RYR2: variants seen among roughly 807,000 people sequenced by gnomAD.
RYR2 encodes ryanodine receptor 2.
A neutral mutation model predicts 601.1 loss-of-function variants in RYR2; 227 were observed. The observed-to-expected ratio is 0.38, with a 90% CI of 0.34 to 0.42. The LOEUF is 0.42. Ranked by LOEUF, RYR2 falls within the 10% of genes least tolerant of loss-of-function variation. The pLI is 1.00. For synonymous variants in RYR2, 2,223 were observed against 2,175.1 expected (o/e 1.02, Z -0.61); for missense variants, 4,646 against 6,156.5 (o/e 0.75, Z 8.21).
At chr1:237,609,728 T>C (rs967334702) in intron 35 of RYR2, among the ~76,000 whole-genome samples, 20 of 152,110 alleles carry the variant, frequency 1.3e-4, no homozygotes, top group African/African-American at 4.8e-4. Context: ...TTAAAATTGC[T>C]GCCCTTGATT....
chr1:237,608,276 G>A (rs12116442), intron 35 of RYR2, among the ~76,000 whole-genome samples: 30,838 of 152,132 alleles, frequency 0.2, 3,472 homozygotes, highest in East Asian at 0.47. Context: ...GCCAAGCGAG[G>A]ATGGAGTTTT....
chr1:237,362,008 AT>A (rs750393608), intron 4 of RYR2, among the ~76,000 whole-genome samples: 1 of 152,082 alleles, frequency 6.6e-6, no homozygotes, highest in Non-Finnish European at 1.5e-5. Context: ...TTTGTCATCC[AT>A]TTGACACCCA....
intron 62 of RYR2, 114 bp downstream of exon 62, chr1:237,680,691 G>T: frequency 1.5e-6 from 1 of 663,226 alleles, no homozygotes; most frequent in South Asian, 2.9e-5. Flanking sequence ...CCATTTCCCT[G>T]GTCCGTGTCT....
At chr1:237,569,018 G>C in intron 28 of RYR2, 127 bp from the exon 29 acceptor site, 2 of 704,056 alleles carry the variant, frequency 2.8e-6, no homozygotes, top group Non-Finnish European at 4.5e-6. Context: ...AGACCGATAT[G>C]CCAGCTGGAG....
rs755712032 is a variant in RYR2, at chr1:237,610,756, C to G, written c.4684-6C>G. On this transcript the variant is annotated splice_region_variant and splice_polypyrimidine_tract_variant and intron_variant, in intron 35 of 104. Transcript: ENST00000366574. This position sits in a 1 kb window ranked among gnomAD's most constrained non-coding sequence, Gnocchi z 4.9. ...TTTATTCTTTTTCTGCCTCCCCATC[C>G]GCTAGAATGTGATGCCTCTCTCGGC... The G allele has an allele frequency of 1.9e-6, 3 of 1,590,222 alleles. No individual in the cohort carries two copies. The highest frequency in any genetic ancestry group is 2.3e-5 in the South Asian group (2 of 88,018).
rs386370106 is a variant in RYR2 at position 237,262,245 on chromosome 1, G to GTTTTTTTTTTTTT, written c.49-8237_49-8225dup. Among the ~76,000 whole-genome samples the GTTTTTTTTTTTTT allele has an allele frequency of 4.4e-3, 271 of 61,088 alleles. 41 individuals carry two copies. The highest frequency in any genetic ancestry group is 0.037 in the East Asian group (36 of 962). 40.1% of individuals were successfully genotyped at this position (61,088 alleles called of 152,430 possible). On this transcript the variant is annotated intron_variant, in intron 1 of 104. Coordinates refer to ENST00000366574, the MANE Select transcript of RYR2 (RefSeq NM_001035.3). Reference sequence around the variant, plus strand: ...AAATATTAGATCTCTGTTCTAAAGAGTTTTTTTTTTTTTTTTTTTTTTTTT... The same window carrying GTTTTTTTTTTTTT: ...AAATATTAGATCTCTGTTCTAAAGAGTTTTTTTTTTTTTTTTTTTTTTTTTTTTTTTTTTTTTT...
chr1:237,445,879 C>T (rs537789446), intron 14 of RYR2, among the ~76,000 whole-genome samples: 2 of 152,142 alleles, frequency 1.3e-5, no homozygotes, highest in East Asian at 3.9e-4. Flanking sequence ...TGCAGTGGTG[C>T]AGTCTCGGCT....
intron 11 of RYR2, among the ~76,000 whole-genome samples, chr1:237,420,681 C>G (rs1463829948): frequency 6.6e-6 from 1 of 152,070 alleles, no homozygotes; most frequent in African/African-American, 2.4e-5. Flanking sequence ...TTAGAGACTT[C>G]AAAGGAGCAC....
At chr1:237,302,930 C>T (rs918734569) in intron 2 of RYR2, among the ~76,000 whole-genome samples, 2 of 152,104 alleles carry the variant, frequency 1.3e-5, no homozygotes, top group African/African-American at 2.4e-5. Flanking sequence ...GAATAGTTTA[C>T]AATCTTCTGA....
At chr1:237,529,073 G>T (rs1025497540) in intron 24 of RYR2, among the ~76,000 whole-genome samples, 1 of 151,872 alleles carries the variant, frequency 6.6e-6, no homozygotes, top group Non-Finnish European at 1.5e-5. Flanking sequence ...TGTAGCACAG[G>T]GCCTTGCACA....
At chr1:237,042,740 T>G (rs1660065062) in intron 1 of RYR2, among the ~76,000 whole-genome samples, 171 bp downstream of exon 1, 1 of 151,940 alleles carries the variant, frequency 6.6e-6, no homozygotes, top group African/African-American at 2.4e-5. Flanking sequence ...GGTGTGCGTG[T>G]TGGGGCGAGG....
chr1:237,265,693 G>A (rs187275859), intron 1 of RYR2, among the ~76,000 whole-genome samples: 4 of 152,184 alleles, frequency 2.6e-5, no homozygotes, highest in Admixed American at 1.3e-4. Context: ...CCAGCATGCC[G>A]TATAGTACAG....
chr1:237,654,146 A>G, intron 51 of RYR2, 128 bp from the exon 52 acceptor site: 1 of 1,058,922 alleles, frequency 9.4e-7, no homozygotes, highest in African/African-American at 1.6e-5. Flanking sequence ...GATAATTTAT[A>G]TGGGATTGGG....
intron 1 of RYR2, among the ~76,000 whole-genome samples, chr1:237,262,999 A>ATATTTGTTTCCCCTATT (rs1271266546): frequency 1.3e-5 from 2 of 152,162 alleles, no homozygotes. Context: ...CACAAAGAGC[A>ATATTTGTTTCCCCTATT]TTGTTTTACT....
chr1:237,437,191 C>T (rs1270934948), intron 12 of RYR2, among the ~76,000 whole-genome samples: 4 of 151,708 alleles, frequency 2.6e-5, no homozygotes, highest in Non-Finnish European at 5.9e-5. Context: ...ACTACAGGCA[C>T]CCGCCACCAC....
intron 80 of RYR2, among the ~76,000 whole-genome samples, chr1:237,753,924 T>G (rs979472498): frequency 2.6e-5 from 4 of 150,986 alleles, no homozygotes; most frequent in African/African-American, 7.3e-5. Context: ...TTTCAGAGTT[T>G]TTTTTTTTTT....
intron 48 of RYR2, among the ~76,000 whole-genome samples, chr1:237,644,455 A>G (rs1295599025): frequency 6.7e-6 from 1 of 149,642 alleles, no homozygotes; most frequent in Non-Finnish European, 1.5e-5. Flanking sequence ...GATGGTCTCG[A>G]CCTCCTGACC....
intron 35 of RYR2, among the ~76,000 whole-genome samples, chr1:237,607,666 T>C (rs531265231): frequency 1.3e-5 from 2 of 152,348 alleles, no homozygotes; most frequent in African/African-American, 4.8e-5. Context: ...GAATGAATGA[T>C]TGATTTAAAA....
intron 6 of RYR2, among the ~76,000 whole-genome samples, chr1:237,370,016 TTCTTTTTCTTCTTCACCAGGTTTC>T (rs1289767093): frequency 6.6e-6 from 1 of 152,098 alleles, no homozygotes; most frequent in Non-Finnish European, 1.5e-5. Context: ...ACTCACCAAC[TTCTTTTTCTTCTTCACCAGGTTTC>T]TCTTTTACCA....
Sources: allele counts gnomAD v4.1 joint callset (sites outside exome capture counted in the v4.1 genomes callset), GRCh38; gene constraint gnomAD v4.1.1; non-coding constraint Gnocchi (gnomAD v3.1); transcripts MANE v1.5; gene names NCBI Gene and HGNC (gene_info 2026-07-23, HGNC 2026-07-21).